LINC00237: variants seen among roughly 807,000 people sequenced by gnomAD.
LINC00237 encodes the protein long independently transcribed non-coding RNA 237.
intron 2 of LINC00237, among the ~76,000 whole-genome samples, chr20:21,091,060 CGTGTGT>C (rs57771489): frequency 3.4e-4 from 50 of 147,246 alleles, no homozygotes; most frequent in Middle Eastern, 3.5e-3. Context: ...TGTGTGTGTG[CGTGTGT>C]GTGTGTGTGT....
chr20:21,095,912 T>C (rs1377098738), intron 1 of LINC00237, among the ~76,000 whole-genome samples: 1 of 152,230 alleles, frequency 6.6e-6, no homozygotes, highest in African/African-American at 2.4e-5. Flanking sequence ...CTGATGGAAT[T>C]GGTCTATACA....
chr20:21,088,951 C>G (rs2030751992), intron 2 of LINC00237, among the ~76,000 whole-genome samples: 1 of 151,800 alleles, frequency 6.6e-6, no homozygotes, highest in Non-Finnish European at 1.5e-5. Context: ...CACAGAGAAC[C>G]CTGTGGTTAT....
chr20:21,097,972 T>C (rs1368319207), intron 1 of LINC00237, among the ~76,000 whole-genome samples: 1 of 152,218 alleles, frequency 6.6e-6, no homozygotes, highest in Admixed American at 6.5e-5. Context: ...AAAAATATAA[T>C]ACAAGCTCCC....
intron 1 of LINC00237, among the ~76,000 whole-genome samples, chr20:21,100,292 G>C (rs181550708): frequency 1.3e-5 from 2 of 152,220 alleles, no homozygotes; most frequent in Non-Finnish European, 2.9e-5. Flanking sequence ...ACACCTGCGG[G>C]CGGCGGCAAA....
chr20:21,092,380 GA>G (rs987317477), intron 2 of LINC00237, among the ~76,000 whole-genome samples: 3 of 152,140 alleles, frequency 2.0e-5, no homozygotes, highest in Non-Finnish European at 4.4e-5. Context: ...CAATAACTAG[GA>G]GTCATCCAAA....
intron 2 of LINC00237, chr20:21,093,337 G>A (rs866839015): frequency 6.6e-6 from 1 of 152,232 alleles, no homozygotes; most frequent in African/African-American, 2.4e-5. Flanking sequence ...TCGGGGAGCT[G>A]TAGAAGTGCC....
At chr20:21,103,377 C>T (rs2030958513) in intron 1 of LINC00237, among the ~76,000 whole-genome samples, 1 of 152,120 alleles carries the variant, frequency 6.6e-6, no homozygotes, top group African/African-American at 2.4e-5. Context: ...GATGCCTTTG[C>T]CTGCGGGGTG....
chr20:21,087,459 C>T (rs920411055), intron 3 of LINC00237: 1 of 151,998 alleles, frequency 6.6e-6, no homozygotes, highest in Admixed American at 6.6e-5. Flanking sequence ...CAAATATCTA[C>T]TTAGAGTGGC....
intron 2 of LINC00237, among the ~76,000 whole-genome samples, chr20:21,089,255 T>C (rs538155890): frequency 1.3e-5 from 2 of 151,880 alleles, no homozygotes; most frequent in South Asian, 4.2e-4. Context: ...TAATTCAGTG[T>C]TGATCCTTTG....
chr20:21,086,762 ATATAC>A (rs1227545816), intron 3 of LINC00237, among the ~76,000 whole-genome samples: 6 of 122,490 alleles, frequency 4.9e-5, no homozygotes, highest in Admixed American at 4.3e-4. Context: ...ATATATATAC[ATATAC>A]TATACTATAC....
intron 2 of LINC00237, among the ~76,000 whole-genome samples, chr20:21,091,280 C>T (rs1202528596): frequency 6.6e-6 from 1 of 152,186 alleles, no homozygotes; most frequent in African/African-American, 2.4e-5. Flanking sequence ...GCAGCTCCCT[C>T]TGCTTACATA....
intron 3 of LINC00237, among the ~76,000 whole-genome samples, chr20:21,086,632 AT>A (rs1187410861): frequency 2.2e-5 from 3 of 133,578 alleles, no homozygotes; most frequent in South Asian, 2.2e-4. Context: ...TATATATAGT[AT>A]ACTATATATA....
At chr20:21,086,081 G>A (rs975008111) in intron 3 of LINC00237, among the ~76,000 whole-genome samples, 2 of 152,182 alleles carry the variant, frequency 1.3e-5, no homozygotes, top group Non-Finnish European at 2.9e-5. Flanking sequence ...CTAAGCAAAC[G>A]CTGCTTAAAC....
rs1361917457 is a variant in LINC00237, at chr20:21,103,710, G to A, written n.88+2561C>T. On this transcript the variant is annotated intron_variant and non_coding_transcript_variant, in intron 1 of 3. Coordinates refer to ENST00000691244, the Ensembl canonical transcript of LINC00237. ...GTTCGGCAGCGGGGCGGAGAGCGAG[G>A]GGTGAAATCAATGTGCGCCAACTCG... Among the ~76,000 whole-genome samples, 3 of 152,112 alleles carry A rather than the reference G, an allele frequency of 2.0e-5. No homozygotes were observed. The South Asian group carries it at 6.2e-4, about 32-fold the overall frequency.
At chr20:21,091,403 G>A (rs1326766742) in intron 2 of LINC00237, among the ~76,000 whole-genome samples, 19 of 152,178 alleles carry the variant, frequency 1.2e-4, no homozygotes, top group Non-Finnish European at 1.5e-4. Flanking sequence ...ATAAAAGAAA[G>A]AGTGGACTAG....
chr20:21,105,332 C>T (rs2122187529), intron 1 of LINC00237, among the ~76,000 whole-genome samples: 1 of 142,490 alleles, frequency 7.0e-6, no homozygotes, highest in South Asian at 2.6e-4. Flanking sequence ...CTGGGGACAT[C>T]CCTACCTGTC....
chr20:21,096,710 G>A (rs1357685389), intron 1 of LINC00237, among the ~76,000 whole-genome samples: 1 of 152,190 alleles, frequency 6.6e-6, no homozygotes, highest in African/African-American at 2.4e-5. Flanking sequence ...ATGCTGAAGA[G>A]TCTGGTATTC....
chr20:21,086,473 G>T (rs564201008), intron 3 of LINC00237, among the ~76,000 whole-genome samples: 2 of 147,838 alleles, frequency 1.4e-5, no homozygotes, highest in Admixed American at 6.8e-5. Flanking sequence ...ATCTATATAC[G>T]TATAGATATG....
At chr20:21,098,877 T>A (rs1270673134) in intron 1 of LINC00237, among the ~76,000 whole-genome samples, 3 of 152,224 alleles carry the variant, frequency 2.0e-5, no homozygotes, top group African/African-American at 7.2e-5. Flanking sequence ...AATTAGAGCA[T>A]CCCGAGTCTC....
Sources: allele counts gnomAD v4.1 joint callset (sites outside exome capture counted in the v4.1 genomes callset), GRCh38; gene constraint gnomAD v4.1.1; transcripts MANE v1.5; gene names NCBI Gene and HGNC (gene_info 2026-07-23, HGNC 2026-07-21).